The following LRMDA variants were observed in gnomAD, a reference collection of about 807,000 sequenced individuals.
The protein encoded by LRMDA is leucine-rich melanocyte differentiation-associated protein.
LRMDA carries 18 observed loss-of-function variants against 29.8 expected under a neutral mutation model. The ratio of observed to expected loss-of-function variants is 0.60; its 90% CI spans 0.42 to 0.90. The LOEUF is 0.90. LRMDA is among the 40% of genes least tolerant of loss of function. The pLI, the probability that LRMDA is intolerant of heterozygous loss-of-function variation, is 0.00. For synonymous variants in LRMDA, 125 were observed against 109.4 expected (o/e 1.14, Z -0.89); for missense variants, 273 against 273.9 (o/e 1.00, Z 0.02).
chr10:75,879,233 G>C (rs1247810148), intron 2 of LRMDA, among the ~76,000 whole-genome samples: 1 of 152,226 alleles, frequency 6.6e-6, no homozygotes, highest in East Asian at 1.9e-4. Flanking sequence ...GAGGCCCAGA[G>C]TGTAAGGACC....
chr10:76,130,019 T>C (rs892276233), intron 5 of LRMDA, among the ~76,000 whole-genome samples: 4 of 152,162 alleles, frequency 2.6e-5, no homozygotes, highest in African/African-American at 7.2e-5. Context: ...TGAGGTTTTC[T>C]TTTGTATTTT....
intron 5 of LRMDA, among the ~76,000 whole-genome samples, chr10:76,131,220 C>T (rs961526818): frequency 1.3e-5 from 2 of 152,166 alleles, no homozygotes; most frequent in Non-Finnish European, 2.9e-5. Flanking sequence ...TCTTCTGTCT[C>T]TGCCTTTTTA....
At chr10:75,884,240 C>T (rs897905071) in intron 2 of LRMDA, among the ~76,000 whole-genome samples, 5 of 81,702 alleles carry the variant, frequency 6.1e-5, no homozygotes, top group Non-Finnish European at 8.9e-5. Context: ...GAAGGGCAGG[C>T]GACTTTGTGT....
intron 2 of LRMDA, among the ~76,000 whole-genome samples, chr10:75,960,780 A>AT (rs915418548): frequency 2.4e-4 from 36 of 151,552 alleles, no homozygotes; most frequent in Non-Finnish European, 4.3e-4. Flanking sequence ...CGCCTGGCTA[A>AT]TTTTTTTTGT....
intron 2 of LRMDA, among the ~76,000 whole-genome samples, chr10:75,614,258 C>G (rs1212724372): frequency 6.6e-6 from 1 of 152,078 alleles, no homozygotes; most frequent in Non-Finnish European, 1.5e-5. Context: ...GTGATTTCAG[C>G]TTTAAAATAA....
chr10:75,629,756 A>G (rs2132112032), intron 2 of LRMDA, among the ~76,000 whole-genome samples: 1 of 152,352 alleles, frequency 6.6e-6, no homozygotes, highest in East Asian at 1.9e-4. Flanking sequence ...AGAGCAGCAT[A>G]TTGATTTAAT....
chr10:75,833,900 G>A (rs954598658), intron 2 of LRMDA, among the ~76,000 whole-genome samples: 7 of 152,134 alleles, frequency 4.6e-5, no homozygotes, highest in South Asian at 2.1e-4. Flanking sequence ...AATTTTATAC[G>A]TGGCAGGGCA....
intron 6 of LRMDA, among the ~76,000 whole-genome samples, chr10:76,553,992 A>G (rs1054140021): frequency 1.3e-5 from 2 of 152,124 alleles, no homozygotes; most frequent in African/African-American, 4.8e-5. Flanking sequence ...TGATCACCTC[A>G]AGTAGCCAAG....
At chr10:75,659,511 T>C (rs1841722551) in intron 2 of LRMDA, among the ~76,000 whole-genome samples, 1 of 152,216 alleles carries the variant, frequency 6.6e-6, no homozygotes, top group Admixed American at 6.5e-5. Context: ...CAGATGAACC[T>C]GGAGGACATT....
At chr10:75,683,515 C>G (rs1589156684) in intron 2 of LRMDA, among the ~76,000 whole-genome samples, 1 of 152,190 alleles carries the variant, frequency 6.6e-6, no homozygotes, top group Admixed American at 6.5e-5. Flanking sequence ...AAAACCAGTT[C>G]ATAACCTTAT....
intron 2 of LRMDA, among the ~76,000 whole-genome samples, chr10:75,812,346 CA>C (rs1843979153): frequency 6.6e-6 from 1 of 152,008 alleles, no homozygotes; most frequent in Non-Finnish European, 1.5e-5. Flanking sequence ...AAAAAGTTAG[CA>C]GCCTGGTATA....
intron 2 of LRMDA, among the ~76,000 whole-genome samples, chr10:75,908,680 G>A (rs896415874): frequency 6.6e-6 from 1 of 152,164 alleles, no homozygotes; most frequent in African/African-American, 2.4e-5. Flanking sequence ...CCACAGTGGA[G>A]CGTTGTTGCT....
chr10:75,468,455 A>G (rs1844685402), intron 2 of LRMDA, among the ~76,000 whole-genome samples: 1 of 152,136 alleles, frequency 6.6e-6, no homozygotes, highest in Non-Finnish European at 1.5e-5. Context: ...GAGCCCTTCC[A>G]GAAGGAAGAT....
chr10:76,481,239 C>T (rs889831287), intron 6 of LRMDA, among the ~76,000 whole-genome samples: 1 of 151,882 alleles, frequency 6.6e-6, no homozygotes, highest in African/African-American at 2.4e-5. Context: ...TAAAACTCTT[C>T]AAGATACATC....
At chr10:76,487,440 G>C (rs1023255590) in intron 6 of LRMDA, among the ~76,000 whole-genome samples, 1 of 151,898 alleles carries the variant, frequency 6.6e-6, no homozygotes, top group African/African-American at 2.4e-5. Context: ...TGAAGGTAAA[G>C]AAGGGGTATG....
chr10:76,038,689 C>G lies in LRMDA; in HGVS notation c.258+2555C>G, dbSNP rs549681049. On this transcript the variant is annotated intron_variant, in intron 3 of 6. Transcript: ENST00000611255. Reference sequence around the variant, plus strand: ...GCCACTTTTTCAGCTAAATGACTCTCCTACCTAACTGTGAGAATGTTGCAG... The same window carrying G: ...GCCACTTTTTCAGCTAAATGACTCTGCTACCTAACTGTGAGAATGTTGCAG... Among the ~76,000 whole-genome samples, 8 of 152,316 alleles carry G rather than the reference C, an allele frequency of 5.3e-5. No individual in the cohort carries two copies. The Middle Eastern group carries it at 0.014, about 259-fold the overall frequency.
intron 2 of LRMDA, among the ~76,000 whole-genome samples, chr10:75,966,155 A>T (rs1436432940): frequency 1.3e-5 from 2 of 152,184 alleles, no homozygotes; most frequent in East Asian, 1.9e-4. Context: ...TTAAATGTTT[A>T]TCTGTGTATC....
At chr10:75,672,272 C>A (rs1481153223) in intron 2 of LRMDA, among the ~76,000 whole-genome samples, 1 of 151,962 alleles carries the variant, frequency 6.6e-6, no homozygotes, top group East Asian at 1.9e-4. Context: ...CCGTGGTCTA[C>A]CCAGACAAGC....
At chr10:75,960,592 CT>C (rs1846746915) in intron 2 of LRMDA, among the ~76,000 whole-genome samples, 1 of 152,008 alleles carries the variant, frequency 6.6e-6, no homozygotes, top group African/African-American at 2.4e-5. Flanking sequence ...TCCTTTAATC[CT>C]TTTTTGTTGA....
Sources: gnomAD v4.1 joint callset for allele counts (sites outside exome capture counted in the v4.1 genomes callset) on GRCh38, gnomAD v4.1.1 for gene constraint, MANE v1.5 for transcripts, NCBI Gene and HGNC (gene_info 2026-07-23, HGNC 2026-07-21) for gene names.